TRAPPC10: variants seen among roughly 807,000 people sequenced by gnomAD.
TRAPPC10 encodes the protein trafficking protein particle complex subunit 10.
TRAPPC10 carries 23 observed loss-of-function variants against 125.5 expected under a neutral mutation model. The observed-to-expected ratio is 0.18, with a 90% CI of 0.13 to 0.26. The LOEUF is 0.26. Ranked by LOEUF, TRAPPC10 falls within the 10% of genes least tolerant of loss-of-function variation. The pLI is 1.00. For missense variants in TRAPPC10, 1,123 were observed against 1,308.4 expected, an observed-to-expected ratio of 0.86 and a Z score of 2.19; for synonymous variants, 509 against 518.0, an observed-to-expected ratio of 0.98 and a Z score of 0.24.
chr21:44,047,167 T>G, intron 3 of TRAPPC10: 1 of 393,038 alleles, frequency 2.5e-6, no homozygotes, highest in Admixed American at 4.0e-5. Flanking sequence ...TAGTTTTGAT[T>G]TAATTTGGAA....
chr21:44,031,982 T>G, intron 1 of TRAPPC10, 109 bp from the exon 2 acceptor site: 1 of 872,988 alleles, frequency 1.1e-6, no homozygotes, highest in Non-Finnish European at 1.8e-6. Context: ...GCGATATCGC[T>G]TTACTAAACA....
chr21:44,017,680 G>T (rs2032022448), intron 1 of TRAPPC10, among the ~76,000 whole-genome samples: 1 of 151,498 alleles, frequency 6.6e-6, no homozygotes, highest in African/African-American at 2.4e-5. Flanking sequence ...CAGGCCCTGC[G>T]GGAGCTCTGT....
At chr21:44,061,803 A>G (rs2036078527) in intron 6 of TRAPPC10, among the ~76,000 whole-genome samples, 1 of 152,226 alleles carries the variant, frequency 6.6e-6, no homozygotes, top group African/African-American at 2.4e-5. Context: ...AAAACTGCCA[A>G]TCACAGTTTC....
At chr21:44,014,486 AC>A (rs1191197378) in intron 1 of TRAPPC10, among the ~76,000 whole-genome samples, 1 of 150,806 alleles carries the variant, frequency 6.6e-6, no homozygotes, top group Non-Finnish European at 1.5e-5. Flanking sequence ...GCTCACTGCA[AC>A]CTCTGCCTCC....
rs534080633 is a variant in TRAPPC10, at chr21:44,069,896, C to CT, written c.1039-4415dup. ...GAAGTTAGACACAAGAGAAGGCATA[C>CT]TTTTTTTTTTTTTCTGAGATGGAGT... On this transcript the variant is annotated intron_variant, in intron 7 of 22. Coordinates refer to ENST00000291574, the MANE Select transcript of TRAPPC10 (RefSeq NM_003274.5). Among the ~76,000 whole-genome samples the CT allele has an allele frequency of 1.2e-3, 180 of 147,156 alleles. 1 individual carries two copies. The highest frequency in any genetic ancestry group is 2.0e-3 in the African/African-American group (82 of 40,388).
chr21:44,058,624 C>G (rs1441933470), intron 5 of TRAPPC10, among the ~76,000 whole-genome samples: 2 of 152,192 alleles, frequency 1.3e-5, no homozygotes, highest in Non-Finnish European at 2.9e-5. Flanking sequence ...AGAGTCAGGT[C>G]TGAGCTGGAG....
intron 6 of TRAPPC10, among the ~76,000 whole-genome samples, chr21:44,061,514 G>A (rs796749651): frequency 2.7e-5 from 4 of 150,512 alleles, no homozygotes; most frequent in East Asian, 2.0e-4. Context: ...TGATTCGCCC[G>A]CCTCAGCCTC....
intron 3 of TRAPPC10, among the ~76,000 whole-genome samples, chr21:44,042,021 A>T (rs1015929143): frequency 6.6e-6 from 1 of 152,030 alleles, no homozygotes; most frequent in African/African-American, 2.4e-5. Context: ...CCCCATCATT[A>T]TTTCTTATTT....
intron 13 of TRAPPC10, among the ~76,000 whole-genome samples, chr21:44,081,016 T>TC (rs869123510): frequency 1.1e-5 from 1 of 93,748 alleles, no homozygotes; most frequent in African/African-American, 9.1e-5. Context: ...TTTTTTTTTT[T>TC]CTTTTTTTTT....
chr21:44,037,167 C>T (rs1019948339), intron 2 of TRAPPC10, among the ~76,000 whole-genome samples: 5 of 152,116 alleles, frequency 3.3e-5, no homozygotes, highest in East Asian at 3.8e-4. Flanking sequence ...GAGATCCACG[C>T]GGTGTGGTTC....
rs1190116479 is a variant in TRAPPC10 at position 44,016,059 on chromosome 21, G to A, written c.67+3499G>A. ...TGAAGAGTGTATGTGAAATGTGCAG[G>A]GATGGGAGCTGAACAGTTAGTGGAA... On this transcript the variant is annotated intron_variant, in intron 1 of 22. Coordinates refer to ENST00000291574, the MANE Select transcript of TRAPPC10 (RefSeq NM_003274.5). Among the ~76,000 whole-genome samples, 3 of 152,198 alleles carry A rather than the reference G, an allele frequency of 2.0e-5. No individual in the cohort carries two copies. The South Asian group carries it at 6.2e-4, about 32-fold the overall frequency.
intron 20 of TRAPPC10, among the ~76,000 whole-genome samples, chr21:44,094,557 C>A (rs1035096177): frequency 1.3e-5 from 2 of 152,142 alleles, no homozygotes; most frequent in African/African-American, 4.8e-5. Flanking sequence ...GGAAATATTT[C>A]TTGGAGTCAT....
intron 3 of TRAPPC10, among the ~76,000 whole-genome samples, chr21:44,039,328 G>A (rs906528269): frequency 1.3e-5 from 2 of 152,218 alleles, no homozygotes; most frequent in Non-Finnish European, 2.9e-5. Context: ...CTGATGCTCA[G>A]GTTGTCCCAG....
chr21:44,038,203 C>T (rs1016176738), intron 3 of TRAPPC10, among the ~76,000 whole-genome samples: 6 of 152,158 alleles, frequency 3.9e-5, no homozygotes, highest in Non-Finnish European at 5.9e-5. Flanking sequence ...TGGCCAAGTG[C>T]GGGACTTGCT....
chr21:44,068,105 T>G, intron 7 of TRAPPC10, among the ~76,000 whole-genome samples: 1 of 142,014 alleles, frequency 7.0e-6, no homozygotes, highest in East Asian at 2.0e-4. Context: ...GGCAAAAGAG[T>G]GAGACTCCGT....
Position 44,059,813 on chromosome 21 carries a change from C to A in TRAPPC10, c.790+599C>A. On this transcript the variant is annotated intron_variant, in intron 6 of 22. Coordinates refer to ENST00000291574, the MANE Select transcript of TRAPPC10 (RefSeq NM_003274.5). This position sits in a 1 kb window ranked among gnomAD's most constrained non-coding sequence, Gnocchi z 4.4. The stretch of plus-strand genomic sequence containing the variant: ...TGTCGCTCCTTTTTGTTACTCACAG[C>A]CCATCCTGGGCATCTCTCCAGGTTA... 1 of 350,080 alleles carries A rather than the reference C, an allele frequency of 2.9e-6. No homozygotes were observed. Among genetic ancestry groups the A allele is most frequent in the Non-Finnish European group, 5.2e-6 (1 of 193,882 alleles). 21.7% of individuals were successfully genotyped at this position (350,080 alleles called of 1,614,324 possible).
chr21:44,025,681 A>G (rs2032973113), intron 1 of TRAPPC10, among the ~76,000 whole-genome samples: 2 of 152,190 alleles, frequency 1.3e-5, no homozygotes, highest in Non-Finnish European at 2.9e-5. Flanking sequence ...ACTAGTCTTT[A>G]CGTGTAGTAG....
intron 15 of TRAPPC10, among the ~76,000 whole-genome samples, chr21:44,084,756 G>A (rs1026222619): frequency 1.3e-5 from 2 of 152,308 alleles, no homozygotes; most frequent in Non-Finnish European, 2.9e-5. Flanking sequence ...CCAGCCCAGG[G>A]TTCTTTTGCT....
At position 44,059,802 on chromosome 21, in the gene TRAPPC10, G is replaced by C. The variant is rs2035896296; in HGVS notation, c.790+588G>C. 2 of 354,396 alleles carry C rather than the reference G, an allele frequency of 5.6e-6. No individual in the cohort carries two copies. The highest frequency in any genetic ancestry group is 1.0e-5 in the Non-Finnish European group (2 of 197,492). 22.0% of individuals were successfully genotyped at this position (354,396 alleles called of 1,614,324 possible). On this transcript the variant is annotated intron_variant, in intron 6 of 22. Coordinates refer to ENST00000291574, the MANE Select transcript of TRAPPC10 (RefSeq NM_003274.5). This position sits in a 1 kb window ranked among gnomAD's most constrained non-coding sequence, Gnocchi z 4.4. The stretch of plus-strand genomic sequence containing the variant: ...AGCTGTTTCTCTGTCGCTCCTTTTT[G>C]TTACTCACAGCCCATCCTGGGCATC...
Sources: allele counts gnomAD v4.1 joint callset (sites outside exome capture counted in the v4.1 genomes callset), GRCh38; gene constraint gnomAD v4.1.1; non-coding constraint Gnocchi (gnomAD v3.1); transcripts MANE v1.5; gene names NCBI Gene and HGNC (gene_info 2026-07-23, HGNC 2026-07-21).